The following PTPRS variants were observed in gnomAD, a reference collection of about 807,000 sequenced individuals.
PTPRS encodes receptor-type tyrosine-protein phosphatase S.
In PTPRS, 63 loss-of-function variants were observed where a neutral mutation model predicts 215.3. The observed-to-expected ratio is 0.29, with a 90% confidence interval of 0.24 to 0.36. PTPRS has a LOEUF of 0.36. Ranked by LOEUF, PTPRS falls within the 10% of genes least tolerant of loss-of-function variation. PTPRS has a pLI of 1.00. For synonymous variants in PTPRS, 1,404 were observed against 1,191.4 expected (o/e 1.18, Z -3.68); for missense variants, 2,258 against 2,825.8 (o/e 0.80, Z 4.56).
At position 5,221,145 on chromosome 19, in the gene PTPRS, T is replaced by C. The variant is rs2041943897; in HGVS notation, c.3310A>G (p.Ser1104Gly). Residue 1104 changes from serine (S) to glycine (G), a missense_variant, in exon 20 of 38, where the codon AGC becomes GGC. Around this residue, in one of 6 missense-constraint regions of PTPRS, gnomAD observed 927 missense variants for 1,125.9 expected, o/e 0.82. Transcript: ENST00000262963. Reference sequence around the variant, plus strand: ...GTCTGCTGGAGGCCGCCCAGGCTGCTGCCGCGATTGGTCAGCACAAAGTTG... The same window carrying C: ...GTCTGCTGGAGGCCGCCCAGGCTGCCGCCGCGATTGGTCAGCACAAAGTTG... ...FYNFVLTNRG[S>G]SLGGLQQTVT... 3 of 1,613,792 alleles carry C rather than the reference T, an allele frequency of 1.9e-6. No homozygotes were observed. Among genetic ancestry groups the C allele is most frequent in the Non-Finnish European group, 2.5e-6 (3 of 1,180,000 alleles).
At chr19:5,245,358 A>G (rs1317980340) in intron 10 of PTPRS, among the ~76,000 whole-genome samples, 2 of 150,792 alleles carry the variant, frequency 1.3e-5, no homozygotes, top group Non-Finnish European at 3.0e-5. Context: ...GTGCGATCAT[A>G]GCTCACTGCA....
rs1480545391 is a variant in PTPRS at position 5,286,135 on chromosome 19, C to T, written c.6G>A (p.Ala2=). M[A]PTWGPGMVSV... ...ACACCATGCCAGGGCCCCAGGTGGG[C>T]GCCATGCTTGGCAGCGACCTCCGAT... The change falls in exon 2 of 38, where the codon GCG becomes GCA. Residue 2 remains alanine (A), a synonymous_variant. Coordinates refer to ENST00000262963, the MANE Select transcript of PTPRS (RefSeq NM_002850.4). The T allele has an allele frequency of 5.0e-6, 8 of 1,613,774 alleles. No individual in the cohort carries two copies. The highest frequency in any genetic ancestry group is 2.2e-5 in the East Asian group (1 of 44,884).
In PTPRS at chr19:5,206,711, T is replaced by C. The variant is rs2040391785; in HGVS notation, c.*63A>G. 6.7e-7 allele frequency: 1 copy of C among 1,484,662 alleles called. No homozygotes were observed. The highest frequency in any genetic ancestry group is 1.1e-5 in the South Asian group (1 of 87,766). The allele number at this position is 1,484,662 out of a possible 1,614,324, so 92.0% of individuals were successfully genotyped here. ...CACTGGGGGTCCAGGCCTCAGGAGGTCCGCCCGGGAGGGGCAGAGGCATCC... is the reference window on the plus strand; with the variant it reads ...CACTGGGGGTCCAGGCCTCAGGAGGCCCGCCCGGGAGGGGCAGAGGCATCC... On this transcript the variant is annotated 3_prime_UTR_variant, in exon 38 of 38. Coordinates refer to ENST00000262963, the MANE Select transcript of PTPRS (RefSeq NM_002850.4).
Position 5,229,523 on chromosome 19 carries a change from G to A in PTPRS, c.2317C>T (p.Arg773Cys). Reference protein sequence around the residue: ...MEGAEARGPPRIKDVMLADAQ... With the variant: ...MEGAEARGPPCIKDVMLADAQ... The stretch of plus-strand genomic sequence containing the variant: ...TCGGCCAGCATGACGTCCTTGATGC[G>A]CGGCGGCCCGCGGGCCTCGGCGCCC... Residue 773 changes from arginine to cysteine, a missense_variant, in exon 15 of 38, where the codon CGC becomes TGC. Arg to Cys is a radical substitution (Grantham distance 180). Around this residue, in one of 6 missense-constraint regions of PTPRS, gnomAD observed 371 missense variants for 446.7 expected, o/e 0.83. Coordinates refer to ENST00000262963, the MANE Select transcript of PTPRS (RefSeq NM_002850.4). 6.8e-7 allele frequency: 1 copy of A among 1,462,784 alleles called. No homozygotes were observed. Among genetic ancestry groups the A allele is most frequent in the Non-Finnish European group, 9.0e-7 (1 of 1,109,352 alleles). 90.6% of individuals were successfully genotyped at this position (1,462,784 alleles called of 1,614,324 possible). A position where few individuals can be genotyped will look rare whatever the true frequency, so the allele number is the denominator to read the frequency against.
At chr19:5,285,619 G>A (rs186182151) in intron 2 of PTPRS, among the ~76,000 whole-genome samples, 2 of 152,312 alleles carry the variant, frequency 1.3e-5, no homozygotes, top group East Asian at 3.9e-4. Flanking sequence ...CCCACAGCAA[G>A]GGAAGGTGAA....
At chr19:5,230,048 G>C (rs2042891134) in intron 14 of PTPRS, among the ~76,000 whole-genome samples, 1 of 152,174 alleles carries the variant, frequency 6.6e-6, no homozygotes, top group Non-Finnish European at 1.5e-5. Context: ...GAATCCTAGA[G>C]AGTTGATTCT....
At chr19:5,269,461 C>T (rs989855423) in intron 4 of PTPRS, among the ~76,000 whole-genome samples, 1 of 152,006 alleles carries the variant, frequency 6.6e-6, no homozygotes, top group Admixed American at 6.6e-5. Flanking sequence ...CCTGGCAGTC[C>T]AGATGGTCCC....
At chr19:5,239,134 G>T in intron 12 of PTPRS, 71 bp from the exon 13 acceptor site, 1 of 1,202,258 alleles carries the variant, frequency 8.3e-7, no homozygotes, top group East Asian at 2.7e-5. Flanking sequence ...AAAGGGGAGA[G>T]AGAGAGAGAC....
chr19:5,257,017 G>GGGC lies in PTPRS; in HGVS notation c.707-901_707-899dup, dbSNP rs1451730011. On this transcript the variant is annotated intron_variant, in intron 8 of 37. Coordinates refer to ENST00000262963, the MANE Select transcript of PTPRS (RefSeq NM_002850.4). This position sits in a 1 kb window ranked among gnomAD's most constrained non-coding sequence, Gnocchi z 4.4. ...AACTGGGGCAGCCCTAGGGATTGAA[G>GGGC]GGCGCCCTGGCATCCTGGCAGAAGC... is the stretch of plus-strand genomic sequence containing the variant. 2.0e-5 allele frequency among the ~76,000 whole-genome samples: 3 copies of GGGC among 151,728 alleles called. No individual in the cohort carries two copies. Among genetic ancestry groups the GGGC allele is most frequent in the African/African-American group, 4.8e-5 (2 of 41,282 alleles).
At chr19:5,316,947 G>A (rs542114201) in intron 1 of PTPRS, among the ~76,000 whole-genome samples, 14 of 152,256 alleles carry the variant, frequency 9.2e-5, no homozygotes, top group Non-Finnish European at 1.8e-4. Flanking sequence ...CCACTGCCCC[G>A]GGATTTTCCT....
chr19:5,232,090 C>G (rs1261112369), intron 13 of PTPRS, among the ~76,000 whole-genome samples: 1 of 151,954 alleles, frequency 6.6e-6, no homozygotes, highest in African/African-American at 2.4e-5. Flanking sequence ...TGTTGAACAT[C>G]TACTATGTGC....
In PTPRS at chr19:5,221,170, G is replaced by A; in HGVS notation, c.3285C>T (p.Tyr1095=). Residue 1095 remains tyrosine, a synonymous_variant, in exon 20 of 38, where the codon TAC becomes TAT. Coordinates refer to ENST00000262963, the MANE Select transcript of PTPRS (RefSeq NM_002850.4). ...TGCCGCGATTGGTCAGCACAAAGTT[G>A]TAGAAGGTGTGGGGCTTGAGGTGCG... The part of the protein sequence containing the change: ...LITHLKPHTF[Y]NFVLTNRGSS... The A allele has an allele frequency of 6.2e-7, 1 of 1,614,056 alleles. No homozygotes were observed. The highest frequency in any genetic ancestry group is 8.5e-7 in the Non-Finnish European group (1 of 1,179,998).
chr19:5,262,982 T>C lies in PTPRS; in HGVS notation c.569-10A>G. ...GACTTACCAAAGGTTTCTGAACGTT[T>C]ACAACAGGAGGATAAGAAAAGAGAA... On this transcript the variant is annotated splice_polypyrimidine_tract_variant and intron_variant, in intron 5 of 37. Coordinates refer to ENST00000262963, the MANE Select transcript of PTPRS (RefSeq NM_002850.4). 7.4e-7 allele frequency: 1 copy of C among 1,356,152 alleles called. No individual in the cohort carries two copies. The highest frequency in any genetic ancestry group is 9.7e-7 in the Non-Finnish European group (1 of 1,029,438). 84.0% of individuals were successfully genotyped at this position (1,356,152 alleles called of 1,614,324 possible).
intron 2 of PTPRS, among the ~76,000 whole-genome samples, chr19:5,278,342 CT>C (rs1417382462): frequency 1.3e-5 from 2 of 152,052 alleles, no homozygotes; most frequent in Non-Finnish European, 2.9e-5. Context: ...ACTCAGCCTC[CT>C]GAGTAACTGG....
In PTPRS at chr19:5,239,040, C is replaced by T. The variant is rs367684544; in HGVS notation, c.1728G>A (p.Thr576=). The change falls in exon 13 of 38, where the codon ACG becomes ACA. Residue 576 remains threonine, a synonymous_variant. Transcript: ENST00000262963. The part of the protein sequence containing the change: ...GREVGRTFDP[T]TSYVVEDLKP... ...TCAGGTCCTCCACCACGTAGGAAGT[C>T]GTCGGGTCGAAGGTCCTTCCCACCT... 3.8e-5 allele frequency: 62 copies of T among 1,612,962 alleles called. 1 individual carries two copies. The Admixed American group carries it at 9.7e-4, about 25-fold the overall frequency.
rs1265093078 is a variant in PTPRS at position 5,295,122 on chromosome 19, T to G, written c.-94-8888A>C. 6.6e-6 allele frequency among the ~76,000 whole-genome samples: 1 copy of G among 152,152 alleles called. No homozygotes were observed. Among genetic ancestry groups the G allele is most frequent in the Non-Finnish European group, 1.5e-5 (1 of 68,020 alleles). ...GCACGGGGCTCATACAGACTCGAGT[T>G]TGAATCCAGGGATGCCCCGTGTGTC... On this transcript the variant is annotated intron_variant, in intron 1 of 37. Coordinates refer to ENST00000262963, the MANE Select transcript of PTPRS (RefSeq NM_002850.4). The surrounding 1 kb of genome is among the most constrained non-coding windows in gnomAD (Gnocchi z 4.6).
chr19:5,214,226 T>G lies in PTPRS; in HGVS notation c.4614+135A>C. The G allele has an allele frequency of 2.4e-6, 3 of 1,269,002 alleles. No homozygotes were observed. The South Asian group carries it at 4.3e-5, about 18-fold the overall frequency. The allele number at this position is 1,269,002 out of a possible 1,614,324, so 78.6% of individuals were successfully genotyped here. On this transcript the variant is annotated intron_variant, in intron 30 of 37. Transcript: ENST00000262963. ...TCCACGGAAGTGGGTTCCATGAGAA[T>G]GTAGTCAGCCTGGGTAGACACGCTC...
intron 1 of PTPRS, among the ~76,000 whole-genome samples, chr19:5,323,214 C>T (rs1257840840): frequency 6.6e-6 from 1 of 152,090 alleles, no homozygotes; most frequent in Non-Finnish European, 1.5e-5. Context: ...GAAAAATTAG[C>T]TGGGCATGGT....
In PTPRS at chr19:5,239,333, G is replaced by C. The variant is rs1015433685; in HGVS notation, c.1705-270C>G. ...AGAGACGGAGAGAGACAGAGACAGA[G>C]AGAAACAGGGGAGAGAGTCAGAGAC... On this transcript the variant is annotated intron_variant, in intron 12 of 37. Transcript: ENST00000262963. 1.3e-4 allele frequency among the ~76,000 whole-genome samples: 19 copies of C among 151,868 alleles called. 3 individuals carry two copies. Among genetic ancestry groups the C allele is most frequent in the Admixed American group, 4.6e-4 (7 of 15,242 alleles).
Sources: gnomAD v4.1 joint callset for allele counts (sites outside exome capture counted in the v4.1 genomes callset) on GRCh38, gnomAD v4.1.1 for gene constraint, gnomAD v4.1.1 regional missense constraint, Gnocchi (gnomAD v3.1) non-coding constraint, MANE v1.5 for transcripts, NCBI Gene and HGNC (gene_info 2026-07-23, HGNC 2026-07-21) for gene names.